SLC5A1: variants seen among roughly 807,000 people sequenced by gnomAD.
The protein encoded by SLC5A1 is solute carrier family 5 member 1.
A neutral mutation model predicts 73.5 loss-of-function variants in SLC5A1; 42 were observed. The ratio of observed to expected loss-of-function variants is 0.57; its 90% CI spans 0.45 to 0.74. The LOEUF is 0.74. SLC5A1 is among the 30% of genes least tolerant of loss of function. The pLI is 0.00. For synonymous variants in SLC5A1, 300 were observed against 317.4 expected, an observed-to-expected ratio of 0.95 and a Z score of 0.58; for missense variants, 634 against 855.4, an observed-to-expected ratio of 0.74 and a Z score of 3.23.
At chr22:32,063,970 G>GGGGA in intron 2 of SLC5A1, among the ~76,000 whole-genome samples, 1 of 152,270 alleles carries the variant, frequency 6.6e-6, no homozygotes, top group East Asian at 1.9e-4. Context: ...GATAGTGAGT[G>GGGGA]GGGACTTCAG....
intron 2 of SLC5A1, among the ~76,000 whole-genome samples, chr22:32,060,056 T>C (rs1376349266): frequency 1.4e-5 from 2 of 144,856 alleles, no homozygotes; most frequent in African/African-American, 2.6e-5. Flanking sequence ...CACACACATA[T>C]ATACACACAC....
chr22:32,108,686 G>A (rs937058300), intron 14 of SLC5A1, among the ~76,000 whole-genome samples: 3 of 152,092 alleles, frequency 2.0e-5, no homozygotes, highest in African/African-American at 7.2e-5. Context: ...AAGAGCTAGA[G>A]GCTCTCTCAT....
In SLC5A1 at chr22:32,090,112, A is replaced by C. The variant is rs1036450929; in HGVS notation, c.1130-1500A>C. On this transcript the variant is annotated intron_variant, in intron 10 of 14. Coordinates refer to ENST00000266088, the MANE Select transcript of SLC5A1 (RefSeq NM_000343.4). Reference sequence around the variant, plus strand: ...CAGCCTTGTCTTTCAAAAAAAAAAAAAAAAACAAAAAAACTTAATTGAGCT... The same window carrying C: ...CAGCCTTGTCTTTCAAAAAAAAAAACAAAAACAAAAAAACTTAATTGAGCT... Among the ~76,000 whole-genome samples, 17 of 152,062 alleles carry C rather than the reference A, an allele frequency of 1.1e-4. 1 individual carries two copies. Among genetic ancestry groups the C allele is most frequent in the East Asian group, 9.7e-4 (5 of 5,164 alleles).
Position 32,049,961 on chromosome 22 carries a change from C to A in SLC5A1, c.154C>A (p.Arg52Ser), listed in dbSNP as rs767673239. ...VGLWAMFSTN[R>S]GTVGGFFLAG... ...TCCTCAGGCTATGTTTTCCACCAAT[C>A]GTGGGACTGTTGGAGGCTTCTTCCT... The change falls in exon 2 of 15, where the codon CGT becomes AGT. Residue 52 changes from arginine (R) to serine (S), a missense_variant. Transcript: ENST00000266088. 1 of 1,613,938 alleles carries A rather than the reference C, an allele frequency of 6.2e-7. No homozygotes were observed. Among genetic ancestry groups the A allele is most frequent in the African/African-American group, 1.3e-5 (1 of 74,918 alleles).
At chr22:32,057,003 A>C (rs748136924) in intron 2 of SLC5A1, among the ~76,000 whole-genome samples, 1 of 152,178 alleles carries the variant, frequency 6.6e-6, no homozygotes, top group Non-Finnish European at 1.5e-5. Context: ...GGTAGGCCAA[A>C]AAAGATTATT....
chr22:32,082,532 G>C (rs1289101745), intron 6 of SLC5A1, among the ~76,000 whole-genome samples: 2 of 152,154 alleles, frequency 1.3e-5, no homozygotes, highest in African/African-American at 4.8e-5. Context: ...CTCACACACA[G>C]AGGTTTCAGA....
At chr22:32,084,376 A>G in intron 7 of SLC5A1, 63 bp from the exon 8 acceptor site, 3 of 1,451,030 alleles carry the variant, frequency 2.1e-6, no homozygotes, top group Non-Finnish European at 2.9e-6. Flanking sequence ...GCATCTATGG[A>G]AAGAAGCTGC....
chr22:32,088,217 G>A (rs555966672), intron 10 of SLC5A1, among the ~76,000 whole-genome samples: 16 of 152,124 alleles, frequency 1.1e-4, no homozygotes, highest in Non-Finnish European at 2.1e-4. Context: ...AACATTATGC[G>A]GGAGTGGACT....
rs532108353 is a variant in SLC5A1 at position 32,109,713 on chromosome 22, C to A, written c.1772-277C>A. On this transcript the variant is annotated intron_variant, in intron 14 of 14. Transcript: ENST00000266088. ...ATTATTTGATCTGACTGTTCCAAAT[C>A]AAAATGAATTTGCATTGGGCCTGAT... is the stretch of plus-strand genomic sequence containing the variant. 2.0e-5 allele frequency among the ~76,000 whole-genome samples: 3 copies of A among 152,238 alleles called. No homozygotes were observed. The South Asian group carries it at 6.2e-4, about 32-fold the overall frequency.
At position 32,112,976 on chromosome 22, in the gene SLC5A1, G is replaced by A. The variant is rs555007422; in HGVS notation, c.*2763G>A. On this transcript the variant is annotated 3_prime_UTR_variant, in exon 15 of 15. Transcript: ENST00000266088. ...TATAAAAATATGTTGTATGCCATGA[G>A]TATATATAATTATTATTTGTGAATT... The A allele has an allele frequency of 6.6e-6, 1 of 152,144 alleles. No individual in the cohort carries two copies. The highest frequency in any genetic ancestry group is 2.1e-4 in the South Asian group (1 of 4,816). 9.4% of individuals were successfully genotyped at this position (152,144 alleles called of 1,614,324 possible).
At chr22:32,104,006 G>C (rs1358982538) in intron 13 of SLC5A1, among the ~76,000 whole-genome samples, 2 of 152,160 alleles carry the variant, frequency 1.3e-5, no homozygotes, top group African/African-American at 4.8e-5. Context: ...TTTATTCCTA[G>C]AAAACAGAAG....
intron 10 of SLC5A1, among the ~76,000 whole-genome samples, chr22:32,091,085 T>C (rs1354005678): frequency 6.6e-6 from 1 of 152,112 alleles, no homozygotes; most frequent in Admixed American, 6.6e-5. Flanking sequence ...GGTTGTCATT[T>C]TATTATTGAA....
At chr22:32,078,471 T>G (rs1309862578) in intron 5 of SLC5A1, among the ~76,000 whole-genome samples, 1 of 152,024 alleles carries the variant, frequency 6.6e-6, no homozygotes, top group Admixed American at 6.5e-5. Flanking sequence ...TTTTACCATG[T>G]TGGCCAGGCT....
At chr22:32,045,183 C>T (rs180834490) in intron 1 of SLC5A1, among the ~76,000 whole-genome samples, 36 of 152,262 alleles carry the variant, frequency 2.4e-4, no homozygotes, top group Admixed American at 2.0e-3. Flanking sequence ...GGTGTGAGCC[C>T]GTCATCTGCT....
chr22:32,086,324 A>G lies in SLC5A1; in HGVS notation c.1126A>G (p.Asn376Asp), dbSNP rs200834101. The G allele has an allele frequency of 4.4e-5, 71 of 1,604,876 alleles. No individual in the cohort carries two copies. Among genetic ancestry groups the G allele is most frequent in the Non-Finnish European group, 5.8e-5 (68 of 1,171,730 alleles). ...AACCTTAGTGGTGGAGCTCATGCCCAATGGTGAGATTCTTTCTTGGGAGGT... is the reference window on the plus strand; with the variant it reads ...AACCTTAGTGGTGGAGCTCATGCCCGATGGTGAGATTCTTTCTTGGGAGGT... Reference protein sequence around the residue: ...YPTLVVELMPNGLRGLMLSVM... With the variant: ...YPTLVVELMPDGLRGLMLSVM... Residue 376 changes from asparagine (N) to aspartate (D), a missense_variant, in exon 10 of 15, where the codon AAT (asparagine) becomes GAT (aspartate). Asn to Asp is a conservative substitution (Grantham distance 23). Around this residue, in one of 3 missense-constraint regions of SLC5A1, gnomAD observed 422 missense variants for 626.1 expected, o/e 0.67. Coordinates refer to ENST00000266088, the MANE Select transcript of SLC5A1 (RefSeq NM_000343.4).
In SLC5A1 at chr22:32,047,027, TA is replaced by T. The variant is rs575252570; in HGVS notation, c.136-2907del. On this transcript the variant is annotated intron_variant, in intron 1 of 14. Transcript: ENST00000266088. ...AAATTTGTAATATGGTAACACAAAG[TA>T]AAAAAAAATTGTAATGGCTGTGAAC... is the stretch of plus-strand genomic sequence containing the variant. Among the ~76,000 whole-genome samples the T allele has an allele frequency of 7.6e-3, 1,150 of 151,802 alleles. 11 individuals carry two copies. Among genetic ancestry groups the T allele is most frequent in the Middle Eastern group, 0.02 (6 of 294 alleles).
At chr22:32,095,986 T>C (rs927776444) in intron 11 of SLC5A1, among the ~76,000 whole-genome samples, 8 of 152,156 alleles carry the variant, frequency 5.3e-5, no homozygotes, top group Admixed American at 3.9e-4. Flanking sequence ...TTTCCCACAT[T>C]CACAGTTTGG....
At chr22:32,059,120 GC>G in intron 2 of SLC5A1, 2 of 985,440 alleles carry the variant, frequency 2.0e-6, no homozygotes, top group Non-Finnish European at 2.4e-6. Flanking sequence ...AGCCTGGAGT[GC>G]CTGAAATTCC....
At chr22:32,080,186 C>T (rs1258240484) in intron 5 of SLC5A1, among the ~76,000 whole-genome samples, 2 of 152,170 alleles carry the variant, frequency 1.3e-5, no homozygotes, top group East Asian at 3.8e-4. Context: ...ATCTCTCCTC[C>T]CACCTCCTGG....
Sources: gnomAD v4.1 joint callset for allele counts (sites outside exome capture counted in the v4.1 genomes callset) on GRCh38, gnomAD v4.1.1 for gene constraint, gnomAD v4.1.1 regional missense constraint, MANE v1.5 for transcripts, NCBI Gene and HGNC (gene_info 2026-07-23, HGNC 2026-07-21) for gene names.